LRFN2: variants seen among roughly 807,000 people sequenced by gnomAD.
LRFN2 encodes the protein leucine-rich repeat and fibronectin type-III domain-containing protein 2.
A neutral mutation model predicts 37.3 loss-of-function variants in LRFN2; 18 were observed. That is an observed-to-expected ratio of 0.48 (90% CI 0.33 to 0.72). The LOEUF (loss-of-function observed/expected upper bound fraction) is 0.72, where lower values mean the gene tolerates loss of function less well. Among genes scored for constraint, LRFN2 ranks in the 30% least tolerant of loss-of-function variants. The pLI, the probability that LRFN2 is intolerant of heterozygous loss-of-function variation, is 0.02. For synonymous variants in LRFN2, 556 were observed against 466.6 expected, an observed-to-expected ratio of 1.19 and a Z score of -2.47; for missense variants, 1,006 against 1,060.7, an observed-to-expected ratio of 0.95 and a Z score of 0.72.
intron 1 of LRFN2, among the ~76,000 whole-genome samples, chr6:40,503,835 G>A (rs1765454092): frequency 6.6e-6 from 1 of 152,060 alleles, no homozygotes; most frequent in Non-Finnish European, 1.5e-5. Flanking sequence ...ATAAGAAGAG[G>A]ACTTTACTAT....
At chr6:40,435,967 A>G (rs1763663523) in intron 1 of LRFN2, among the ~76,000 whole-genome samples, 2 of 152,114 alleles carry the variant, frequency 1.3e-5, no homozygotes, top group South Asian at 2.1e-4. Flanking sequence ...TTCTGGAGAG[A>G]GCATCACTGT....
Position 40,392,024 on chromosome 6 carries a change from G to A in LRFN2, c.2289C>T (p.Leu763=), listed in dbSNP as rs2113788044. The change falls in exon 3 of 3, where the codon CTC becomes CTT. Residue 763 remains leucine (L), a synonymous_variant. Coordinates refer to ENST00000338305, the MANE Select transcript of LRFN2 (RefSeq NM_020737.3). This position sits in a 1 kb window ranked among gnomAD's most constrained non-coding sequence, Gnocchi z 4.7. ...TKRSLSVNGM[L]LPFEESDLVG... ...CCAGGTCACTCTCCTCAAAGGGCAA[G>A]AGCATGCCGTTGACAGAGAGGCTGC... 6.2e-7 allele frequency: 1 copy of A among 1,613,660 alleles called. No individual in the cohort carries two copies. The highest frequency in any genetic ancestry group is 1.3e-5 in the African/African-American group (1 of 75,028).
At chr6:40,561,407 C>A (rs1015703574) in intron 1 of LRFN2, among the ~76,000 whole-genome samples, 1 of 152,164 alleles carries the variant, frequency 6.6e-6, no homozygotes, top group Non-Finnish European at 1.5e-5. Flanking sequence ...CGGTTGGGGA[C>A]TGATCTGGGA....
intron 1 of LRFN2, among the ~76,000 whole-genome samples, chr6:40,435,561 C>T (rs935443941): frequency 7.3e-5 from 11 of 151,508 alleles, no homozygotes; most frequent in South Asian, 2.1e-4. Context: ...TTTTTTGAGA[C>T]GGAGTCTGGC....
At position 40,392,975 on chromosome 6, in the gene LRFN2, A is replaced by T; in HGVS notation, c.1401-63T>A. 1.8e-6 allele frequency: 2 copies of T among 1,136,790 alleles called. No homozygotes were observed. The highest frequency in any genetic ancestry group is 2.3e-6 in the Non-Finnish European group (2 of 857,674). The allele number at this position is 1,136,790 out of a possible 1,614,324, so 70.4% of individuals were successfully genotyped here. ...GGGGTGGAAGGACAGGGTGATGGGG[A>T]GTGGACAGAGGTAGAAACAGAGTGA... On this transcript the variant is annotated intron_variant, in intron 2 of 2. Coordinates refer to ENST00000338305, the MANE Select transcript of LRFN2 (RefSeq NM_020737.3). This position sits in a 1 kb window ranked among gnomAD's most constrained non-coding sequence, Gnocchi z 4.7.
At chr6:40,407,409 G>T (rs112140143) in intron 2 of LRFN2, among the ~76,000 whole-genome samples, 88 of 152,280 alleles carry the variant, frequency 5.8e-4, no homozygotes, top group African/African-American at 1.8e-3. Context: ...TCCTCTCTCT[G>T]AACCTCTGTT....
rs1016912087 is a variant in LRFN2 at position 40,392,430 on chromosome 6, C to A, written c.1883G>T (p.Gly628Val). Reference protein sequence around the residue: ...ASDSSSSSSLGSGEAAGLGRA... With the variant: ...ASDSSSSSSLVSGEAAGLGRA... The stretch of plus-strand genomic sequence containing the variant: ...TCCCAGCCCCGCAGCCTCCCCACTG[C>A]CCAGGGAGCTGGAGGAAGAGGAGTC... The change falls in exon 3 of 3, where the codon GGC (glycine) becomes GTC (valine). Residue 628 changes from glycine to valine, a missense_variant. This residue lies in a region of LRFN2 where 398 missense variants were observed against 327.6 expected (regional missense o/e 1.21). Coordinates refer to ENST00000338305, the MANE Select transcript of LRFN2 (RefSeq NM_020737.3). This position sits in a 1 kb window ranked among gnomAD's most constrained non-coding sequence, Gnocchi z 4.7. 2 of 1,567,198 alleles carry A rather than the reference C, an allele frequency of 1.3e-6. No individual in the cohort carries two copies. Among genetic ancestry groups the A allele is most frequent in the African/African-American group, 2.7e-5 (2 of 73,676 alleles).
At chr6:40,411,393 G>T (rs981512202) in intron 2 of LRFN2, among the ~76,000 whole-genome samples, 4 of 152,212 alleles carry the variant, frequency 2.6e-5, no homozygotes, top group Non-Finnish European at 4.4e-5. Flanking sequence ...GTGACTGTGC[G>T]TCCACTGGCC....
intron 2 of LRFN2, among the ~76,000 whole-genome samples, chr6:40,414,141 G>A (rs992284893): frequency 3.3e-5 from 5 of 152,156 alleles, no homozygotes; most frequent in South Asian, 2.1e-4. Flanking sequence ...GGGAGGCCTC[G>A]GGCAGCTTAC....
chr6:40,425,671 C>G (rs1422043934), intron 2 of LRFN2, among the ~76,000 whole-genome samples: 1 of 152,218 alleles, frequency 6.6e-6, no homozygotes, highest in African/African-American at 2.4e-5. Flanking sequence ...GTCAGCCCTC[C>G]CTAGTCACAA....
rs9462627 is a variant in LRFN2, at chr6:40,485,276, C to T, written c.-18-52145G>A. Among the ~76,000 whole-genome samples the T allele has an allele frequency of 7.4e-3, 1,129 of 152,218 alleles. 8 individuals are homozygous for T. The highest frequency in any genetic ancestry group is 0.013 in the Non-Finnish European group (899 of 67,996). On this transcript the variant is annotated intron_variant, in intron 1 of 2. Coordinates refer to ENST00000338305, the MANE Select transcript of LRFN2 (RefSeq NM_020737.3). Reference sequence around the variant, plus strand: ...TGAACTTCCCCCTTCTCCCGGGCATCGTGGAGAGAAAAAGCCCCTTCCCTA... The same window carrying T: ...TGAACTTCCCCCTTCTCCCGGGCATTGTGGAGAGAAAAAGCCCCTTCCCTA...
At chr6:40,551,448 C>T (rs1766777078) in intron 1 of LRFN2, among the ~76,000 whole-genome samples, 1 of 152,228 alleles carries the variant, frequency 6.6e-6, no homozygotes, top group Non-Finnish European at 1.5e-5. Context: ...CTGAAGCCCA[C>T]ATCACCACTG....
At chr6:40,462,245 G>A (rs1198336484) in intron 1 of LRFN2, among the ~76,000 whole-genome samples, 1 of 152,224 alleles carries the variant, frequency 6.6e-6, no homozygotes, top group African/African-American at 2.4e-5. Context: ...TCCAATGGCA[G>A]AAGCATGGGT....
chr6:40,440,553 C>A (rs1763810686), intron 1 of LRFN2, among the ~76,000 whole-genome samples: 2 of 152,164 alleles, frequency 1.3e-5, no homozygotes, highest in African/African-American at 4.8e-5. Flanking sequence ...AGCCCTTGGC[C>A]CCTCTGACAC....
At chr6:40,491,118 C>T (rs1191126180) in intron 1 of LRFN2, among the ~76,000 whole-genome samples, 1 of 152,194 alleles carries the variant, frequency 6.6e-6, no homozygotes, top group Non-Finnish European at 1.5e-5. Flanking sequence ...TTGGCTTTTA[C>T]TCTGAGTGAA....
chr6:40,425,517 C>T lies in LRFN2; in HGVS notation c.1400+6197G>A, dbSNP rs185513275. Among the ~76,000 whole-genome samples the T allele has an allele frequency of 2.0e-5, 3 of 152,334 alleles. No homozygotes were observed. The East Asian group carries it at 5.8e-4, about 29-fold the overall frequency. On this transcript the variant is annotated intron_variant, in intron 2 of 2. Transcript: ENST00000338305. ...AGCTGGGGTGAACTGTTGCTCCCTC[C>T]AGGGTGGCAGAGGAGGCTGCCTTTC...
rs771853430 is a variant in LRFN2, at chr6:40,392,372, C to T, written c.1941G>A (p.Pro647=). 45 of 1,597,338 alleles carry T rather than the reference C, an allele frequency of 2.8e-5. No homozygotes were observed. Among genetic ancestry groups the T allele is most frequent in the East Asian group, 9.1e-5 (4 of 44,172 alleles). ...RAPWRIPPSA[P]RPKPSLDRLM... ...GGCGGTCAAGGCTGGGCTTGGGGCGCGGGGCGGAGGGTGGGATCCTCCAGG... is the reference window on the plus strand; with the variant it reads ...GGCGGTCAAGGCTGGGCTTGGGGCGTGGGGCGGAGGGTGGGATCCTCCAGG... The change falls in exon 3 of 3, where the codon CCG becomes CCA. Residue 647 remains proline (P), a synonymous_variant. Transcript: ENST00000338305. The surrounding 1 kb of genome is among the most constrained non-coding windows in gnomAD (Gnocchi z 4.7).
chr6:40,458,962 C>T (rs1764289021), intron 1 of LRFN2, among the ~76,000 whole-genome samples: 1 of 152,238 alleles, frequency 6.6e-6, no homozygotes. Context: ...AAGCCATTCT[C>T]TTTTCAGACT....
intron 1 of LRFN2, among the ~76,000 whole-genome samples, chr6:40,470,919 C>A (rs76943770): frequency 0.017 from 2,514 of 152,290 alleles, 66 homozygotes; most frequent in African/African-American, 0.058. Context: ...TGTCAGAGAT[C>A]CCTGAGTTAA....
Sources: allele counts gnomAD v4.1 joint callset (sites outside exome capture counted in the v4.1 genomes callset), GRCh38; gene constraint gnomAD v4.1.1; regional missense constraint gnomAD v4.1.1; non-coding constraint Gnocchi (gnomAD v3.1); transcripts MANE v1.5; gene names NCBI Gene and HGNC (gene_info 2026-07-23, HGNC 2026-07-21).